Variants in TUSC3 observed in about 807,000 individuals in gnomAD.
The protein encoded by TUSC3 is dolichyl-diphosphooligosaccharide--protein glycosyltransferase subunit TUSC3.
In TUSC3, 45 loss-of-function variants were observed where a neutral mutation model predicts 44.8. The observed-to-expected ratio is 1.00, with a 90% CI of 0.79 to 1.29. TUSC3 has a LOEUF of 1.29. Ranked by LOEUF, TUSC3 falls within the 50% of genes most tolerant of loss-of-function variation. The pLI, the probability that TUSC3 is intolerant of heterozygous loss-of-function variation, is 0.00. For synonymous variants in TUSC3, 212 were observed against 152.9 expected, an observed-to-expected ratio of 1.39 and a Z score of -2.85; for missense variants, 519 against 437.9, an observed-to-expected ratio of 1.19 and a Z score of -1.65.
chr8:15,615,450 C>T (rs547181355), intron 1 of TUSC3, among the ~76,000 whole-genome samples: 2 of 152,138 alleles, frequency 1.3e-5, no homozygotes, highest in South Asian at 2.1e-4. Flanking sequence ...AGTAGAATTA[C>T]AATTATTAGA....
At chr8:15,732,931 T>C (rs972333990) in intron 7 of TUSC3, among the ~76,000 whole-genome samples, 7 of 152,218 alleles carry the variant, frequency 4.6e-5, no homozygotes, top group Non-Finnish European at 8.8e-5. Flanking sequence ...AGCCCATTTC[T>C]TGCTTACATT....
chr8:15,573,205 T>TCTCTCTCTCA (rs1802954698), intron 1 of TUSC3, among the ~76,000 whole-genome samples: 1 of 65,106 alleles, frequency 1.5e-5, no homozygotes, highest in African/African-American at 6.4e-5. Context: ...TCTCTCTCTA[T>TCTCTCTCTCA]ATATATATAT....
intron 6 of TUSC3, among the ~76,000 whole-genome samples, chr8:15,729,099 T>G (rs1477802852): frequency 6.6e-6 from 1 of 152,186 alleles, no homozygotes; most frequent in Non-Finnish European, 1.5e-5. Flanking sequence ...AGAAGACGTC[T>G]GAAGTTATTC....
At chr8:15,771,472 A>G (rs1812437849), downstream of TUSC3, among the ~76,000 whole-genome samples, 1 of 151,414 alleles carries the variant, frequency 6.6e-6, no homozygotes. Flanking sequence ...ATTAAAAGAA[A>G]TAACTGCATA....
At chr8:15,428,042 A>G (rs1351724365) in intron 1 of TUSC3, among the ~76,000 whole-genome samples, 2 of 151,528 alleles carry the variant, frequency 1.3e-5, no homozygotes, top group African/African-American at 2.4e-5. Context: ...ATATGTATAC[A>G]TGTGCCATGT....
intron 1 of TUSC3, among the ~76,000 whole-genome samples, chr8:15,621,421 A>T (rs1423738602): frequency 6.7e-6 from 1 of 150,182 alleles, no homozygotes; most frequent in Non-Finnish European, 1.5e-5. Flanking sequence ...TGTTCTGGGT[A>T]TATTGATGAG....
At chr8:15,496,631 G>T (rs1331047507) in intron 2 of TUSC3, among the ~76,000 whole-genome samples, 1 of 152,102 alleles carries the variant, frequency 6.6e-6, no homozygotes, top group East Asian at 1.9e-4. Context: ...CTAGATACAG[G>T]CCCAGTGGTT....
At chr8:15,631,668 TTGTGTGTG>T (rs147004169) in intron 2 of TUSC3, among the ~76,000 whole-genome samples, 1,500 of 145,142 alleles carry the variant, frequency 0.01, 14 homozygotes, top group African/African-American at 0.027. Flanking sequence ...TTTAAGGCTG[TTGTGTGTG>T]TGTGTGTGTG....
the TUSC3 span, among the ~76,000 whole-genome samples, chr8:15,844,268 C>T: frequency 6.6e-6 from 1 of 152,102 alleles, no homozygotes; most frequent in Non-Finnish European, 1.5e-5. Flanking sequence ...ATATAATTTA[C>T]TTCCCTTAGT....
At chr8:15,427,041 C>G (rs755447802) in intron 1 of TUSC3, among the ~76,000 whole-genome samples, 5 of 149,260 alleles carry the variant, frequency 3.3e-5, no homozygotes, top group Non-Finnish European at 6.0e-5. Context: ...AGTCTTTTAC[C>G]CATTTTTAAA....
chr8:15,489,158 C>T (rs1800773722), intron 2 of TUSC3, among the ~76,000 whole-genome samples: 1 of 152,286 alleles, frequency 6.6e-6, no homozygotes, highest in East Asian at 1.9e-4. Flanking sequence ...ACAGAAGCTC[C>T]AGGTATGCAT....
At chr8:15,517,985 A>AG (rs1801244055) in intron 2 of TUSC3, among the ~76,000 whole-genome samples, 1 of 150,764 alleles carries the variant, frequency 6.6e-6, no homozygotes, top group Admixed American at 6.6e-5. Flanking sequence ...AGAACAAACA[A>AG]AAAAAAACCC....
the TUSC3 span, among the ~76,000 whole-genome samples, chr8:15,851,605 T>G: frequency 0.37 from 56,060 of 152,084 alleles, 12,456 homozygotes; most frequent in Non-Finnish European, 0.5. Context: ...GGACTGAACC[T>G]TGATTGCTCT....
intron 2 of TUSC3, among the ~76,000 whole-genome samples, chr8:15,503,860 G>T (rs1801007362): frequency 1.3e-5 from 2 of 151,740 alleles, no homozygotes; most frequent in South Asian, 2.1e-4. Context: ...AAATGGTAAT[G>T]GCTCCACAGC....
intron 1 of TUSC3, among the ~76,000 whole-genome samples, chr8:15,459,410 A>G (rs1340548594): frequency 1.3e-5 from 2 of 152,074 alleles, no homozygotes; most frequent in East Asian, 3.9e-4. Flanking sequence ...TTACACTTTA[A>G]CCAATAAAAT....
At chr8:15,474,956 C>T (rs530756016) in intron 1 of TUSC3, among the ~76,000 whole-genome samples, 1 of 152,212 alleles carries the variant, frequency 6.6e-6, no homozygotes, top group East Asian at 1.9e-4. Context: ...GAAGTCATGT[C>T]CCTTCTGTGA....
intron 6 of TUSC3, among the ~76,000 whole-genome samples, chr8:15,684,229 T>C (rs1334143901): frequency 1.3e-5 from 2 of 152,044 alleles, no homozygotes; most frequent in African/African-American, 2.4e-5. Context: ...CAGGCTCTAA[T>C]GGGCTGTGCT....
chr8:15,824,574 C>G, the TUSC3 span, among the ~76,000 whole-genome samples: 3 of 141,900 alleles, frequency 2.1e-5, no homozygotes, highest in Admixed American at 2.3e-4. Flanking sequence ...CACATGGACA[C>G]AGGAAGGGGA....
chr8:15,801,912 G>C, the TUSC3 span, among the ~76,000 whole-genome samples: 1 of 152,184 alleles, frequency 6.6e-6, no homozygotes, highest in Non-Finnish European at 1.5e-5. Flanking sequence ...CAGAAATCCT[G>C]GTGAAAAGGC....
Sources: allele counts gnomAD v4.1 joint callset (sites outside exome capture counted in the v4.1 genomes callset), GRCh38; gene constraint gnomAD v4.1.1; transcripts MANE v1.5; gene names NCBI Gene and HGNC (gene_info 2026-07-23, HGNC 2026-07-21).